MARCHF5: variants seen among roughly 807,000 people sequenced by gnomAD.
MARCHF5 encodes E3 ubiquitin-protein ligase MARCHF5.
MARCHF5 carries 5 observed loss-of-function variants against 36.5 expected under a neutral mutation model. The observed-to-expected ratio is 0.14, with a 90% CI of 0.07 to 0.29. MARCHF5 has a LOEUF of 0.29. Among genes scored for constraint, MARCHF5 ranks in the 10% least tolerant of loss-of-function variants. The pLI, the probability that MARCHF5 is intolerant of heterozygous loss-of-function variation, is 1.00. For missense variants in MARCHF5, 179 were observed against 336.3 expected, an observed-to-expected ratio of 0.53 and a Z score of 3.66; for synonymous variants, 103 against 109.9, an observed-to-expected ratio of 0.94 and a Z score of 0.39.
chr10:92,321,119 AG>A (rs1282669710), intron 2 of MARCHF5, among the ~76,000 whole-genome samples: 3 of 152,110 alleles, frequency 2.0e-5, no homozygotes, highest in Non-Finnish European at 2.9e-5. Flanking sequence ...CATATAGCCT[AG>A]GTGTGTAAAT....
rs1590637405 is a variant in MARCHF5 at position 92,291,274 on chromosome 10, G to T, written c.-221G>T. ...CCCGGGCCGCGATCGCCGCCTCCCC[G>T]CCTCAGGCTCCTCCTCCTCGCTCTC... On this transcript the variant is annotated 5_prime_UTR_variant, in exon 1 of 6. Transcript: ENST00000358935. The T allele has an allele frequency of 3.7e-6, 2 of 541,366 alleles. No individual in the cohort carries two copies. Among genetic ancestry groups the T allele is most frequent in the East Asian group, 6.9e-5 (2 of 28,862 alleles). The allele number at this position is 541,366 out of a possible 1,614,324, so 33.5% of individuals were successfully genotyped here.
chr10:92,341,284 TC>T, intron 3 of MARCHF5, among the ~76,000 whole-genome samples: 1 of 152,074 alleles, frequency 6.6e-6, no homozygotes, highest in South Asian at 2.1e-4. Flanking sequence ...GTTCCTGTAA[TC>T]CCAGCTACTC....
chr10:92,331,920 C>CATATATGTATATATAATCGT (rs1843440837), intron 2 of MARCHF5, among the ~76,000 whole-genome samples: 2 of 56,384 alleles, frequency 3.5e-5, no homozygotes, highest in African/African-American at 1.1e-4. Flanking sequence ...TATATATAAT[C>CATATATGTATATATAATCGT]ATATATATGT....
At chr10:92,302,630 G>C (rs993164284) in intron 1 of MARCHF5, among the ~76,000 whole-genome samples, 3 of 152,002 alleles carry the variant, frequency 2.0e-5, no homozygotes, top group Non-Finnish European at 4.4e-5. Flanking sequence ...TTTTAGTAGA[G>C]ACGGGGTTTC....
intron 3 of MARCHF5, among the ~76,000 whole-genome samples, chr10:92,345,661 T>C (rs1431605372): frequency 5.9e-5 from 9 of 151,678 alleles, no homozygotes; most frequent in Non-Finnish European, 1.3e-4. Context: ...AAACCTGCAA[T>C]TCTATAGGTC....
At position 92,337,633 on chromosome 10, in the gene MARCHF5, A is replaced by AT. The variant is rs922619903; in HGVS notation, c.239-3029dup. On this transcript the variant is annotated intron_variant, in intron 2 of 5. Transcript: ENST00000358935. ...GGCTCAAGAAAATAATTTGGTTTTA[A>AT]TTTTTTTTTTTAACACTGAAGAAAT... 3.9e-3 allele frequency among the ~76,000 whole-genome samples: 591 copies of AT among 149,654 alleles called. 5 individuals are homozygous for AT. Among genetic ancestry groups the AT allele is most frequent in the African/African-American group, 0.013 (533 of 41,012 alleles).
chr10:92,342,159 G>GC (rs910799354), intron 3 of MARCHF5, among the ~76,000 whole-genome samples: 1 of 130,114 alleles, frequency 7.7e-6, no homozygotes, highest in East Asian at 2.2e-4. Context: ...CCCACAAACC[G>GC]CCCCCCGACA....
At chr10:92,322,466 G>GC (rs1217934198) in intron 2 of MARCHF5, among the ~76,000 whole-genome samples, 2 of 144,378 alleles carry the variant, frequency 1.4e-5, no homozygotes, top group Non-Finnish European at 3.0e-5. Context: ...TTGAGACAGG[G>GC]CCTCACTCTG....
intron 3 of MARCHF5, among the ~76,000 whole-genome samples, chr10:92,346,619 G>T (rs985333213): frequency 1.3e-5 from 2 of 149,276 alleles, no homozygotes; most frequent in African/African-American, 2.5e-5. Flanking sequence ...CTCCCGAGTA[G>T]TTGGGATTAC....
At chr10:92,293,644 G>A (rs891491009) in intron 1 of MARCHF5, among the ~76,000 whole-genome samples, 7 of 149,340 alleles carry the variant, frequency 4.7e-5, no homozygotes, top group South Asian at 2.2e-4. Context: ...TTAGGCAGGC[G>A]TAGTGGCGTG....
intron 2 of MARCHF5, among the ~76,000 whole-genome samples, chr10:92,314,681 G>A (rs993427371): frequency 6.7e-6 from 1 of 149,388 alleles, no homozygotes; most frequent in African/African-American, 2.5e-5. Flanking sequence ...ATTTGAGTAG[G>A]TATTGTTAGC....
At chr10:92,295,750 T>C (rs1842943132) in intron 1 of MARCHF5, among the ~76,000 whole-genome samples, 3 of 151,772 alleles carry the variant, frequency 2.0e-5, no homozygotes. Context: ...CCCTTGTCCT[T>C]TGCAAATAAC....
Position 92,291,173 on chromosome 10 carries a change from C to T in MARCHF5, c.-322C>T, listed in dbSNP as rs1387692739. Reference sequence around the variant, plus strand: ...CACGGAGGCGGCGACTCTTACCTCACAAAGGTAGCTCCTCCGCCGGCAGCA... The same window carrying T: ...CACGGAGGCGGCGACTCTTACCTCATAAAGGTAGCTCCTCCGCCGGCAGCA... On this transcript the variant is annotated 5_prime_UTR_variant, in exon 1 of 6. Transcript: ENST00000358935. The T allele has an allele frequency of 6.4e-6, 3 of 471,060 alleles. No individual in the cohort carries two copies. The East Asian group carries it at 1.3e-4, about 20-fold the overall frequency. The allele number at this position is 471,060 out of a possible 1,614,324, so 29.2% of individuals were successfully genotyped here.
intron 2 of MARCHF5, among the ~76,000 whole-genome samples, chr10:92,320,066 A>G (rs1843272324): frequency 6.8e-6 from 1 of 147,440 alleles, no homozygotes; most frequent in Admixed American, 6.8e-5. Context: ...AAATTTTTTT[A>G]ATATAGAGAC....
In MARCHF5 at chr10:92,349,666, T is replaced by C. The variant is rs1190103982; in HGVS notation, c.554-5T>C. ...GCACTAACGCACTGCATTTTTTTCCTCTAGGGATAGGTTGTCCTGTTCCTC... is the reference window on the plus strand; with the variant it reads ...GCACTAACGCACTGCATTTTTTTCCCCTAGGGATAGGTTGTCCTGTTCCTC... On this transcript the variant is annotated splice_polypyrimidine_tract_variant and splice_region_variant and intron_variant, in intron 4 of 5. Transcript: ENST00000358935. 2 of 1,612,366 alleles carry C rather than the reference T, an allele frequency of 1.2e-6. No homozygotes were observed. Among genetic ancestry groups the C allele is most frequent in the South Asian group, 2.2e-5 (2 of 90,628 alleles).
intron 2 of MARCHF5, 82 bp downstream of exon 2, chr10:92,311,419 C>G: frequency 1.1e-6 from 1 of 949,184 alleles, no homozygotes; most frequent in South Asian, 1.8e-5. Flanking sequence ...AATGAACCAC[C>G]TCTTTTTTTT....
rs1842858541 is a variant in MARCHF5 at position 92,291,389 on chromosome 10, T to C, written c.-106T>C. 9.4e-7 allele frequency: 1 copy of C among 1,063,682 alleles called. No homozygotes were observed. Among genetic ancestry groups the C allele is most frequent in the Non-Finnish European group, 1.4e-6 (1 of 711,982 alleles). The allele number at this position is 1,063,682 out of a possible 1,614,324, so 65.9% of individuals were successfully genotyped here. A position where few individuals can be genotyped will look rare whatever the true frequency, so the allele number is the denominator to read the frequency against. On this transcript the variant is annotated 5_prime_UTR_variant, in exon 1 of 6. Coordinates refer to ENST00000358935, the MANE Select transcript of MARCHF5 (RefSeq NM_017824.5). ...GGAAGCTGGGTGACGGGTTCGCGGC[T>C]GCCGCCGGACTGCGGCCTACTCCGC... is the stretch of plus-strand genomic sequence containing the variant.
rs1420039091 is a variant in MARCHF5, at chr10:92,302,326, T to C, written c.36-8809T>C. ...CCAGGTACTTTAACTTCCATTCCACTAGGATGAACGGACATATTAGTCTCC... is the reference window on the plus strand; with the variant it reads ...CCAGGTACTTTAACTTCCATTCCACCAGGATGAACGGACATATTAGTCTCC... On this transcript the variant is annotated intron_variant, in intron 1 of 5. Transcript: ENST00000358935. Among the ~76,000 whole-genome samples the C allele has an allele frequency of 1.3e-5, 2 of 152,216 alleles. 1 individual carries two copies. The highest frequency in any genetic ancestry group is 2.9e-5 in the Non-Finnish European group (2 of 68,036).
intron 2 of MARCHF5, among the ~76,000 whole-genome samples, chr10:92,326,224 A>C (rs545359554): frequency 2.4e-4 from 37 of 152,298 alleles, no homozygotes; most frequent in South Asian, 4.1e-4. Context: ...ATCAATAGCT[A>C]TCATTTGCTA....
Sources: allele counts gnomAD v4.1 joint callset (sites outside exome capture counted in the v4.1 genomes callset), GRCh38; gene constraint gnomAD v4.1.1; transcripts MANE v1.5; gene names NCBI Gene and HGNC (gene_info 2026-07-23, HGNC 2026-07-21).